Variants in KCNH8 observed in about 807,000 individuals in gnomAD.
The protein encoded by KCNH8 is potassium voltage-gated channel subfamily H member 8.
In KCNH8, 70 loss-of-function variants were observed where a neutral mutation model predicts 103.6. The ratio of observed to expected loss-of-function variants is 0.68; its 90% confidence interval spans 0.56 to 0.82. The LOEUF is 0.82. Ranked by LOEUF, KCNH8 falls within the 40% of genes least tolerant of loss-of-function variation. The pLI, the probability that KCNH8 is intolerant of heterozygous loss-of-function variation, is 0.00. For synonymous variants in KCNH8, 498 were observed against 489.4 expected (o/e 1.02, Z -0.23); for missense variants, 1,217 against 1,329.9 (o/e 0.92, Z 1.32).
intron 3 of KCNH8, among the ~76,000 whole-genome samples, chr3:19,328,542 TA>T (rs2065462643): frequency 6.6e-6 from 1 of 152,070 alleles, no homozygotes; most frequent in Non-Finnish European, 1.5e-5. Context: ...AGAAGAGCAA[TA>T]AAAATTTGCT....
chr3:19,283,431 T>C lies in KCNH8; in HGVS notation c.442+2102T>C, dbSNP rs142585755. 8.5e-5 allele frequency among the ~76,000 whole-genome samples: 13 copies of C among 152,342 alleles called. No individual in the cohort carries two copies. In the East Asian group the frequency reaches 2.3e-3, roughly 27 times the overall value. Reference sequence around the variant, plus strand: ...AACAAAACACTTTTAACATTAATTATATTGTGCAAAATATGATTTAATTTT... The same window carrying C: ...AACAAAACACTTTTAACATTAATTACATTGTGCAAAATATGATTTAATTTT... On this transcript the variant is annotated intron_variant, in intron 3 of 15. Transcript: ENST00000328405.
intron 1 of KCNH8, among the ~76,000 whole-genome samples, chr3:19,230,756 A>T (rs1383404653): frequency 1.3e-5 from 2 of 152,210 alleles, no homozygotes; most frequent in Non-Finnish European, 2.9e-5. Context: ...GAAAACAAGG[A>T]CAGTGTGATT....
chr3:19,284,883 A>G (rs1006761027), intron 3 of KCNH8, among the ~76,000 whole-genome samples: 5 of 149,028 alleles, frequency 3.4e-5, no homozygotes, highest in Non-Finnish European at 7.4e-5. Context: ...AAAAAAAAAG[A>G]AAAGGAAAGA....
chr3:19,272,491 A>C (rs2064603032), intron 2 of KCNH8, among the ~76,000 whole-genome samples: 1 of 152,052 alleles, frequency 6.6e-6, no homozygotes, highest in South Asian at 2.1e-4. Flanking sequence ...TGAGTGAGGC[A>C]GGGTTGCTAA....
At chr3:19,520,876 T>C (rs1399821347) in intron 15 of KCNH8, among the ~76,000 whole-genome samples, 2 of 151,980 alleles carry the variant, frequency 1.3e-5, no homozygotes, top group Admixed American at 6.6e-5. Flanking sequence ...AGTGTGTACA[T>C]TTCATAATCA....
chr3:19,198,315 C>A (rs1336392367), intron 1 of KCNH8, among the ~76,000 whole-genome samples: 1 of 151,898 alleles, frequency 6.6e-6, no homozygotes, highest in Non-Finnish European at 1.5e-5. Context: ...AATGCTTAAG[C>A]CTTGAACTGG....
chr3:19,318,003 G>A (rs548370019), intron 3 of KCNH8, among the ~76,000 whole-genome samples: 1 of 152,032 alleles, frequency 6.6e-6, no homozygotes, highest in Admixed American at 6.6e-5. Flanking sequence ...GAGAAATAAA[G>A]CGTATTCAAA....
chr3:19,170,775 C>CACACACATATATATACACACATATATAT, intron 1 of KCNH8, among the ~76,000 whole-genome samples: 1 of 87,868 alleles, frequency 1.1e-5, no homozygotes, highest in Admixed American at 1.2e-4. Flanking sequence ...CATATATATA[C>CACACACATATATATACACACATATATAT]ACACACACAC....
At chr3:19,406,579 G>A (rs2125143943) in intron 7 of KCNH8, among the ~76,000 whole-genome samples, 1 of 152,224 alleles carries the variant, frequency 6.6e-6, no homozygotes, top group Non-Finnish European at 1.5e-5. Flanking sequence ...CCCAGATGTT[G>A]TGAGATTCTT....
At chr3:19,248,528 G>A (rs1179909281) in intron 1 of KCNH8, among the ~76,000 whole-genome samples, 2 of 152,134 alleles carry the variant, frequency 1.3e-5, no homozygotes, top group East Asian at 3.9e-4. Flanking sequence ...TTTGGAGACT[G>A]AAATAGGTAA....
At chr3:19,526,778 C>T (rs2069072400) in intron 15 of KCNH8, among the ~76,000 whole-genome samples, 1 of 151,910 alleles carries the variant, frequency 6.6e-6, no homozygotes, top group Non-Finnish European at 1.5e-5. Context: ...ACTTCTTTAT[C>T]TTTCAGTGAT....
At chr3:19,311,688 C>G (rs2065210487) in intron 3 of KCNH8, among the ~76,000 whole-genome samples, 1 of 151,662 alleles carries the variant, frequency 6.6e-6, no homozygotes, top group Non-Finnish European at 1.5e-5. Flanking sequence ...TTGATACAGA[C>G]CAGGCCAAAC....
At chr3:19,295,020 C>T (rs1256803100) in intron 3 of KCNH8, among the ~76,000 whole-genome samples, 1 of 151,842 alleles carries the variant, frequency 6.6e-6, no homozygotes, top group Non-Finnish European at 1.5e-5. Context: ...CATTTTTGCC[C>T]CTTTTTGGAA....
chr3:19,149,906 T>C (rs114388655), intron 1 of KCNH8, among the ~76,000 whole-genome samples: 191 of 152,334 alleles, frequency 1.3e-3, no homozygotes, highest in African/African-American at 4.5e-3. Flanking sequence ...TCCACTCCAG[T>C]AGTCTAAATA....
At chr3:19,355,209 C>T (rs1285103882) in intron 5 of KCNH8, among the ~76,000 whole-genome samples, 2 of 152,074 alleles carry the variant, frequency 1.3e-5, no homozygotes, top group African/African-American at 2.4e-5. Context: ...GTTAGAATGG[C>T]GATCATTAAA....
chr3:19,167,138 G>A (rs2063293258), intron 1 of KCNH8, among the ~76,000 whole-genome samples: 2 of 152,196 alleles, frequency 1.3e-5, no homozygotes, highest in African/African-American at 2.4e-5. Context: ...TACAGATGAG[G>A]AAATTCAACA....
intron 1 of KCNH8, among the ~76,000 whole-genome samples, chr3:19,154,497 A>G (rs1301177198): frequency 2.6e-5 from 4 of 152,202 alleles, no homozygotes; most frequent in Non-Finnish European, 5.9e-5. Context: ...CAACCTTCCC[A>G]TGTTCTACAG....
At chr3:19,531,632 T>A (rs1489430327) in intron 15 of KCNH8, among the ~76,000 whole-genome samples, 1 of 152,250 alleles carries the variant, frequency 6.6e-6, no homozygotes, top group African/African-American at 2.4e-5. Context: ...AACCTCCTTC[T>A]GGCCTTTTTA....
intron 8 of KCNH8, among the ~76,000 whole-genome samples, chr3:19,443,821 A>G (rs944117189): frequency 6.6e-6 from 1 of 152,134 alleles, no homozygotes; most frequent in African/African-American, 2.4e-5. Flanking sequence ...TTAAATATGT[A>G]TGAATAATTA....
Sources: allele counts gnomAD v4.1 joint callset (sites outside exome capture counted in the v4.1 genomes callset), GRCh38; gene constraint gnomAD v4.1.1; transcripts MANE v1.5; gene names NCBI Gene and HGNC (gene_info 2026-07-23, HGNC 2026-07-21).